Variants in SYNPR observed in about 807,000 individuals in gnomAD.
The protein encoded by SYNPR is synaptoporin.
SYNPR carries 23 observed loss-of-function variants against 32.9 expected under a neutral mutation model. The observed-to-expected ratio is 0.70, with a 90% CI of 0.50 to 0.99. The LOEUF (loss-of-function observed/expected upper bound fraction) is 0.99. Ranked by LOEUF, SYNPR falls within the 50% of genes least tolerant of loss-of-function variation. The pLI, the probability that SYNPR is intolerant of heterozygous loss-of-function variation, is 0.00. For synonymous variants in SYNPR, 146 were observed against 135.9 expected (o/e 1.07, Z -0.52); for missense variants, 318 against 349.3 (o/e 0.91, Z 0.71).
At chr3:63,540,098 TATA>T (rs1702272106) in intron 3 of SYNPR, among the ~76,000 whole-genome samples, 1 of 152,158 alleles carries the variant, frequency 6.6e-6, no homozygotes, top group Non-Finnish European at 1.5e-5. Flanking sequence ...TTTCATCAGT[TATA>T]ATAATAGTAT....
chr3:63,298,944 AC>A (rs1249466568), intron 2 of SYNPR, among the ~76,000 whole-genome samples: 2 of 152,140 alleles, frequency 1.3e-5, no homozygotes, highest in East Asian at 3.9e-4. Flanking sequence ...GCATATTGAG[AC>A]CTCCAACAAA....
chr3:63,342,913 A>G (rs2087387434), intron 2 of SYNPR, among the ~76,000 whole-genome samples: 1 of 152,208 alleles, frequency 6.6e-6, no homozygotes, highest in African/African-American at 2.4e-5. Flanking sequence ...AGTTATTTCT[A>G]GTATTCCTTA....
chr3:63,285,679 C>T (rs2086673743), intron 2 of SYNPR, among the ~76,000 whole-genome samples: 2 of 152,070 alleles, frequency 1.3e-5, no homozygotes, highest in Admixed American at 1.3e-4. Flanking sequence ...TATTTGGCCT[C>T]ACAAGTACAG....
intron 2 of SYNPR, among the ~76,000 whole-genome samples, chr3:63,397,700 A>G (rs995314070): frequency 6.6e-6 from 1 of 152,150 alleles, no homozygotes; most frequent in Non-Finnish European, 1.5e-5. Context: ...TTCAGTTTCA[A>G]CCTATACCCT....
intron 2 of SYNPR, among the ~76,000 whole-genome samples, chr3:63,362,312 T>G (rs190598689): frequency 1.3e-5 from 2 of 152,294 alleles, no homozygotes; most frequent in African/African-American, 4.8e-5. Flanking sequence ...TGTTTTTGCT[T>G]TTGTTTTTGT....
At chr3:63,398,678 C>T (rs1280368170) in intron 2 of SYNPR, among the ~76,000 whole-genome samples, 3 of 151,634 alleles carry the variant, frequency 2.0e-5, no homozygotes, top group African/African-American at 7.3e-5. Context: ...GAGATCACAC[C>T]ACTGTACTCC....
intron 3 of SYNPR, among the ~76,000 whole-genome samples, chr3:63,485,763 G>A (rs536687596): frequency 6.6e-6 from 1 of 152,144 alleles, no homozygotes; most frequent in Non-Finnish European, 1.5e-5. Context: ...TACGACCTTG[G>A]TTGAACAAAT....
rs1043910214 is a variant in SYNPR at position 63,435,863 on chromosome 3, C to G, written c.85-44969C>G. On this transcript the variant is annotated intron_variant, in intron 2 of 5. Coordinates refer to ENST00000478300, the MANE Select transcript of SYNPR (RefSeq NM_001130003.2). ...AATTAAGAAATATGTCAGAGTAATT[C>G]AGCATTATGTATTCACTCATGTAAC... Among the ~76,000 whole-genome samples, 3 of 152,118 alleles carry G rather than the reference C, an allele frequency of 2.0e-5. No homozygotes were observed. The South Asian group carries it at 6.2e-4, about 32-fold the overall frequency.
intron 2 of SYNPR, among the ~76,000 whole-genome samples, chr3:63,446,957 A>G (rs527982822): frequency 1.3e-3 from 203 of 152,274 alleles, no homozygotes; most frequent in African/African-American, 4.7e-3. Context: ...TTCCAAAATG[A>G]TAGTCATTTT....
intron 3 of SYNPR, among the ~76,000 whole-genome samples, chr3:63,499,002 T>C (rs1427056817): frequency 6.7e-6 from 1 of 148,844 alleles, no homozygotes; most frequent in East Asian, 2.0e-4. Flanking sequence ...ACAAGTGCCA[T>C]GATCTGATTT....
intron 2 of SYNPR, among the ~76,000 whole-genome samples, chr3:63,412,625 T>C (rs2088482122): frequency 2.0e-5 from 3 of 152,112 alleles, no homozygotes; most frequent in African/African-American, 7.2e-5. Flanking sequence ...GGATGAGTTG[T>C]ATTCTAGGAA....
intron 2 of SYNPR, among the ~76,000 whole-genome samples, chr3:63,357,276 C>A (rs1433826087): frequency 6.6e-6 from 1 of 152,128 alleles, no homozygotes; most frequent in Non-Finnish European, 1.5e-5. Context: ...CCCCAGACGT[C>A]CCCTTACCAA....
chr3:63,304,999 T>A (rs1013946227), intron 2 of SYNPR, among the ~76,000 whole-genome samples: 1 of 151,942 alleles, frequency 6.6e-6, no homozygotes, highest in Non-Finnish European at 1.5e-5. Context: ...AGCTATATAA[T>A]GTGTGCAGTT....
chr3:63,580,297 G>A (rs971222376), intron 4 of SYNPR, among the ~76,000 whole-genome samples: 43 of 152,142 alleles, frequency 2.8e-4, no homozygotes, highest in Non-Finnish European at 7.4e-5. Context: ...TTGCCAAAAT[G>A]CACAGAATTA....
chr3:63,270,969 C>CTCTCT (rs2106909147), intron 3 of SYNPR, among the ~76,000 whole-genome samples: 3 of 12,638 alleles, frequency 2.4e-4, no homozygotes, highest in African/African-American at 9.6e-4. Flanking sequence ...TTCCTTCCTT[C>CTCTCT]TTTTCTTCCT....
intron 4 of SYNPR, among the ~76,000 whole-genome samples, chr3:63,594,691 T>C (rs1206054422): frequency 6.6e-6 from 1 of 152,142 alleles, no homozygotes; most frequent in Non-Finnish European, 1.5e-5. Context: ...CTTCAATAAG[T>C]GTTCTCTAAG....
intron 3 of SYNPR, among the ~76,000 whole-genome samples, chr3:63,521,653 C>T (rs1316366298): frequency 6.6e-6 from 1 of 152,154 alleles, no homozygotes; most frequent in Non-Finnish European, 1.5e-5. Flanking sequence ...GCAGCCAATA[C>T]TCTGGAGGCA....
At chr3:63,537,373 G>GA (rs1400522013) in intron 3 of SYNPR, among the ~76,000 whole-genome samples, 1 of 143,808 alleles carries the variant, frequency 7.0e-6, no homozygotes, top group Non-Finnish European at 1.5e-5. Context: ...ATCTCTACTA[G>GA]AAAATCTCTC....
intron 2 of SYNPR, among the ~76,000 whole-genome samples, chr3:63,284,388 C>T (rs578020827): frequency 6.6e-6 from 1 of 152,144 alleles, no homozygotes; most frequent in African/African-American, 2.4e-5. Context: ...AATGCTGCAG[C>T]CCTAGATTCT....
Sources: gnomAD v4.1 joint callset for allele counts (sites outside exome capture counted in the v4.1 genomes callset) on GRCh38, gnomAD v4.1.1 for gene constraint, MANE v1.5 for transcripts, NCBI Gene and HGNC (gene_info 2026-07-23, HGNC 2026-07-21) for gene names.